The following REST variants were observed in gnomAD, a reference collection of about 807,000 sequenced individuals.
The protein encoded by REST is RE1-silencing transcription factor.
A neutral mutation model predicts 30.4 loss-of-function variants in REST; 1 was observed. The ratio of observed to expected loss-of-function variants is 0.03; its 90% CI spans 0.01 to 0.16. REST has a LOEUF of 0.16. REST is among the 10% of genes least tolerant of loss of function. The probability of loss-of-function intolerance (pLI) is 1.00; values close to 1 mark genes in which losing one functional copy is unlikely to be tolerated. For missense variants in REST, 1,259 were observed against 1,329.5 expected (o/e 0.95, Z 0.82); for synonymous variants, 504 against 451.1 (o/e 1.12, Z -1.49).
chr4:56,930,921 C>T lies in REST; in HGVS notation c.2063C>T (p.Pro688Leu). ...AQIVLAHMEL[P>L]PPMETAQTEV... ...ATTGTACTTGCTCACATGGAGCTGC[C>T]TCCTCCCATGGAGACTGCTCAGACG... The change falls in exon 4 of 4, where the codon CCT becomes CTT. Residue 688 changes from proline to leucine, a missense_variant. Transcript: ENST00000309042. The T allele has an allele frequency of 1.2e-6, 2 of 1,613,798 alleles. No individual in the cohort carries two copies. Among genetic ancestry groups the T allele is most frequent in the Non-Finnish European group, 1.7e-6 (2 of 1,179,728 alleles).
chr4:56,920,366 A>C (rs1720393168), intron 3 of REST, among the ~76,000 whole-genome samples: 1 of 149,766 alleles, frequency 6.7e-6, no homozygotes, highest in Non-Finnish European at 1.5e-5. Flanking sequence ...AATGATAGAC[A>C]ATCTAGGATG....
chr4:56,914,163 C>T (rs1316621821), intron 2 of REST, among the ~76,000 whole-genome samples: 1 of 152,058 alleles, frequency 6.6e-6, no homozygotes, highest in Non-Finnish European at 1.5e-5. Flanking sequence ...CTCCTGAGCT[C>T]AAGTAATCTG....
chr4:56,914,981 A>G (rs901851402), intron 2 of REST, among the ~76,000 whole-genome samples: 3 of 135,892 alleles, frequency 2.2e-5, no homozygotes, highest in African/African-American at 5.7e-5. Context: ...GTGGAGTGCA[A>G]TGGTGCAATC....
chr4:56,912,339 C>CTTTT (rs11318390), intron 2 of REST, among the ~76,000 whole-genome samples: 1 of 112,716 alleles, frequency 8.9e-6, no homozygotes, highest in Non-Finnish European at 1.8e-5. Flanking sequence ...AAAGTTGAAA[C>CTTTT]TTTTTTTTTT....
In REST at chr4:56,931,711, T is replaced by C; in HGVS notation, c.2853T>C (p.Thr951=). 1 of 1,614,226 alleles carries C rather than the reference T, an allele frequency of 6.2e-7. No homozygotes were observed. The highest frequency in any genetic ancestry group is 8.5e-7 in the Non-Finnish European group (1 of 1,180,040). ...DSIVCEMKMD[T]DQNTRENLTG... is the part of the protein sequence containing the mutation. The stretch of plus-strand genomic sequence containing the variant: ...TAGTTTGTGAAATGAAAATGGACAC[T>C]GATCAGAACACAAGAGAGAATCTCA... Residue 951 remains threonine (T), a synonymous_variant, in exon 4 of 4, where the codon ACT becomes ACC. Transcript: ENST00000309042.
intron 2 of REST, among the ~76,000 whole-genome samples, chr4:56,914,720 A>G (rs867457706): frequency 3.9e-5 from 6 of 152,034 alleles, no homozygotes; most frequent in Middle Eastern, 3.4e-3. Flanking sequence ...TGCCCGGCTA[A>G]TTTTTGTATT....
chr4:56,909,044 C>T (rs1013616011), intron 1 of REST: 44 of 152,430 alleles, frequency 2.9e-4, no homozygotes, highest in African/African-American at 8.4e-4. Context: ...TGCGCGGTAA[C>T]TTTCCGTCCT....
chr4:56,927,604 C>T (rs1209214417), intron 3 of REST: 4 of 1,113,552 alleles, frequency 3.6e-6, no homozygotes, highest in East Asian at 1.6e-4. Context: ...CTATGCATTC[C>T]ATTGGACCAG....
chr4:56,908,764 C>G (rs1719743709), intron 1 of REST: 1 of 151,928 alleles, frequency 6.6e-6, no homozygotes, highest in African/African-American at 2.4e-5. Flanking sequence ...GCGCTTCAGC[C>G]GTCCGGCGCC....
intron 2 of REST, 77 bp downstream of exon 2, chr4:56,911,613 G>A (rs1007260557): frequency 1.6e-5 from 19 of 1,182,472 alleles, no homozygotes; most frequent in East Asian, 2.4e-5. Flanking sequence ...AGTAGTGCTT[G>A]AGAAAAAGGA....
Position 56,918,187 on chromosome 4 carries a change from A to C in REST, c.899-1600A>C, listed in dbSNP as rs192942583. On this transcript the variant is annotated intron_variant, in intron 2 of 3. Transcript: ENST00000309042. ...GTCTTCAGTCCCTGTGGCTTTTATA[A>C]TTTGTTTTAAAAATTGATGACTGGT... is the stretch of plus-strand genomic sequence containing the variant. Among the ~76,000 whole-genome samples the C allele has an allele frequency of 1.3e-3, 198 of 150,130 alleles. 4 individuals are homozygous for C. The highest frequency in any genetic ancestry group is 4.8e-3 in the African/African-American group (194 of 40,130).
intron 1 of REST, among the ~76,000 whole-genome samples, 157 bp downstream of exon 1, chr4:56,908,370 G>A (rs1719718508): frequency 6.6e-6 from 1 of 151,394 alleles, no homozygotes; most frequent in African/African-American, 2.4e-5. Context: ...CGGCCCCGCC[G>A]GGCGGGGGCT....
intron 2 of REST, among the ~76,000 whole-genome samples, chr4:56,912,411 G>A (rs1280970421): frequency 5.4e-5 from 8 of 147,356 alleles, no homozygotes; most frequent in African/African-American, 2.0e-4. Flanking sequence ...CAAGATCTCA[G>A]CTCAGTGTAA....
At chr4:56,914,620 C>T (rs142472056) in intron 2 of REST, among the ~76,000 whole-genome samples, 3 of 152,322 alleles carry the variant, frequency 2.0e-5, no homozygotes, top group African/African-American at 4.8e-5. Context: ...GCCTTACCTA[C>T]AATATCTTAA....
chr4:56,921,367 TATAAA>T (rs1350394490), intron 3 of REST, among the ~76,000 whole-genome samples: 1 of 152,214 alleles, frequency 6.6e-6, no homozygotes, highest in Admixed American at 6.6e-5. Context: ...AATTGATACT[TATAAA>T]ATATGTACTT....
At chr4:56,926,182 C>G (rs1485622308) in intron 3 of REST, among the ~76,000 whole-genome samples, 2 of 152,028 alleles carry the variant, frequency 1.3e-5, no homozygotes, top group African/African-American at 4.8e-5. Flanking sequence ...GCCTCAGCCT[C>G]CCGAGTAGCT....
chr4:56,919,221 A>G (rs1028587806), intron 2 of REST, among the ~76,000 whole-genome samples: 4 of 151,800 alleles, frequency 2.6e-5, no homozygotes, highest in Non-Finnish European at 5.9e-5. Context: ...TAGTTTTTAA[A>G]ATAAAATTTT....
rs1441216415 is a variant in REST at position 56,911,267 on chromosome 4, A to G, written c.629A>G (p.Asp210Gly). Residue 210 changes from aspartate (D) to glycine (G), a missense_variant, in exon 2 of 4, where the codon GAT (aspartate) becomes GGT (glycine). Around this residue, in one of 5 missense-constraint regions of REST, gnomAD observed 125 missense variants for 255.4 expected, o/e 0.49. Coordinates refer to ENST00000309042, the MANE Select transcript of REST (RefSeq NM_005612.5). Reference sequence around the variant, plus strand: ...GGCTCTTCCACTGCAGAAGAGGGAGATTTCTCCAAGGGCCCCATTCGCTGT... The same window carrying G: ...GGCTCTTCCACTGCAGAAGAGGGAGGTTTCTCCAAGGGCCCCATTCGCTGT... ...ESGSSTAEEG[D>G]FSKGPIRCDR... 6.2e-7 allele frequency: 1 copy of G among 1,613,812 alleles called. No individual in the cohort carries two copies. The highest frequency in any genetic ancestry group is 2.2e-5 in the East Asian group (1 of 44,870).
Position 56,908,021 on chromosome 4 carries a change from C to A in REST, c.-202C>A, listed in dbSNP as rs1255812583. The A allele has an allele frequency of 8.2e-6, 3 of 367,042 alleles. No individual in the cohort carries two copies. The highest frequency in any genetic ancestry group is 9.7e-6 in the Non-Finnish European group (2 of 205,544). The allele number at this position is 367,042 out of a possible 1,614,324, so 22.7% of individuals were successfully genotyped here. On this transcript the variant is annotated 5_prime_UTR_variant, in exon 1 of 4. Coordinates refer to ENST00000309042, the MANE Select transcript of REST (RefSeq NM_005612.5). ...CTGGCGGCGGCTGCCGCAGCCGAGA[C>A]GGCAGGGCGAGGCCCGGAGGCCTGA...
Sources: allele counts gnomAD v4.1 joint callset (sites outside exome capture counted in the v4.1 genomes callset), GRCh38; gene constraint gnomAD v4.1.1; regional missense constraint gnomAD v4.1.1; transcripts MANE v1.5; gene names NCBI Gene and HGNC (gene_info 2026-07-23, HGNC 2026-07-21).